DDX17: variants seen among roughly 807,000 people sequenced by gnomAD.
DDX17 encodes DEAD-box helicase 17.
In DDX17, 10 loss-of-function variants were observed where a neutral mutation model predicts 80.8. The observed-to-expected ratio is 0.12, with a 90% CI of 0.08 to 0.21. The LOEUF is 0.21. DDX17 is among the 10% of genes least tolerant of loss of function. The pLI is 1.00. For synonymous variants in DDX17, 339 were observed against 336.2 expected (o/e 1.01, Z -0.09); for missense variants, 586 against 957.4 (o/e 0.61, Z 5.12).
Position 38,495,065 on chromosome 22 carries a change from G to A in DDX17, c.881-19C>T, listed in dbSNP as rs759558617. 1 of 1,607,126 alleles carries A rather than the reference G, an allele frequency of 6.2e-7. No homozygotes were observed. Among genetic ancestry groups the A allele is most frequent in the South Asian group, 1.1e-5 (1 of 90,236 alleles). ...TCAACACCTGTAAAACAAAACCAATGATCGAGCCAATCGACTAGGTGCAGT... is the reference window on the plus strand; with the variant it reads ...TCAACACCTGTAAAACAAAACCAATAATCGAGCCAATCGACTAGGTGCAGT... On this transcript the variant is annotated intron_variant, in intron 6 of 12. Transcript: ENST00000403230.
At chr22:38,490,301 T>C (rs2089700524) in intron 11 of DDX17, 2 of 1,284,006 alleles carry the variant, frequency 1.6e-6, no homozygotes, top group African/African-American at 3.1e-5. Context: ...TGAAAGGCCC[T>C]ATGACATGGC....
rs1306752256 is a variant in DDX17, at chr22:38,483,561, A to G, written c.*2374T>C. The G allele has an allele frequency of 6.6e-6, 1 of 152,638 alleles. No individual in the cohort carries two copies. The highest frequency in any genetic ancestry group is 1.5e-5 in the Non-Finnish European group (1 of 68,042). 9.5% of individuals were successfully genotyped at this position (152,638 alleles called of 1,614,324 possible). On this transcript the variant is annotated 3_prime_UTR_variant, in exon 13 of 13. Coordinates refer to ENST00000403230, the MANE Select transcript of DDX17 (RefSeq NM_006386.5). ...AGCATCCTGTGCCTGAACATCACACATCTACAAGTCTTTCAAGTCTTAATG... is the reference window on the plus strand; with the variant it reads ...AGCATCCTGTGCCTGAACATCACACGTCTACAAGTCTTTCAAGTCTTAATG...
rs2089656159 is a variant in DDX17 at position 38,486,114 on chromosome 22, T to C, written c.2011A>G (p.Ser671Gly). Residue 671 changes from serine (S) to glycine (G), a missense_variant, in exon 13 of 13, where the codon AGT becomes GGT. Physicochemically the swap from Ser to Gly is moderately conservative, Grantham distance 56 (BLOSUM62 0). This residue lies in a region of DDX17 where 221 missense variants were observed against 261.4 expected (regional missense o/e 0.85). Coordinates refer to ENST00000403230, the MANE Select transcript of DDX17 (RefSeq NM_006386.5). ...AACTGCTGGCTAGAGCTCTGTGAAC[T>C]TCTCCCAGTTGAGGTGGTGCTACTA... 6.8e-6 allele frequency: 11 copies of C among 1,614,060 alleles called. No homozygotes were observed. Among genetic ancestry groups the C allele is most frequent in the Non-Finnish European group, 8.5e-6 (10 of 1,180,024 alleles).
intron 2 of DDX17, 132 bp from the exon 3 acceptor site, chr22:38,499,631 T>C: frequency 1.5e-6 from 1 of 681,820 alleles, no homozygotes; most frequent in Non-Finnish European, 2.6e-6. Flanking sequence ...CATGGTACTT[T>C]CATGTGTATC....
Position 38,489,446 on chromosome 22 carries a change from A to T in DDX17, c.1448-1331T>A. 1 of 985,802 alleles carries T rather than the reference A, an allele frequency of 1.0e-6. No homozygotes were observed. 61.1% of individuals were successfully genotyped at this position (985,802 alleles called of 1,614,324 possible). On this transcript the variant is annotated intron_variant, in intron 11 of 12. Transcript: ENST00000403230. This position sits in a 1 kb window ranked among gnomAD's most constrained non-coding sequence, Gnocchi z 4.6. Reference sequence around the variant, plus strand: ...TCTCTGTAGCCCCATTTGGTTGCCAAGCGCCGGAGAACCTGGGTTCGGGTA... The same window carrying T: ...TCTCTGTAGCCCCATTTGGTTGCCATGCGCCGGAGAACCTGGGTTCGGGTA...
intron 6 of DDX17, among the ~76,000 whole-genome samples, chr22:38,495,268 T>C (rs1489113515): frequency 8.9e-6 from 1 of 112,582 alleles, no homozygotes; most frequent in Non-Finnish European, 1.8e-5. Context: ...TTTTTTGAGA[T>C]GGAGTCTTGC....
chr22:38,498,128 T>C lies in DDX17; in HGVS notation c.695A>G (p.His232Arg). ...TTCCAAGTATGGCTGGTGGTTAATA[T>C]GAACAATTGCAGGCAGGAGATACTG... The change falls in exon 5 of 13, where the codon CAT becomes CGT. Residue 232 changes from histidine to arginine, a missense_variant. His to Arg is a conservative substitution (Grantham distance 29, BLOSUM62 0). Transcript: ENST00000403230. 2 of 1,614,078 alleles carry C rather than the reference T, an allele frequency of 1.2e-6. No individual in the cohort carries two copies. Among genetic ancestry groups the C allele is most frequent in the Non-Finnish European group, 8.5e-7 (1 of 1,180,000 alleles).
intron 6 of DDX17, 92 bp from the exon 7 acceptor site, chr22:38,495,138 C>G: frequency 2.3e-6 from 3 of 1,284,324 alleles, no homozygotes; most frequent in Non-Finnish European, 3.2e-6. Context: ...GCGGGAAGAT[C>G]GCTTGAGGCC....
chr22:38,487,763 T>C, intron 12 of DDX17, 116 bp downstream of exon 12: 1 of 1,045,052 alleles, frequency 9.6e-7, no homozygotes, highest in Non-Finnish European at 1.5e-6. Context: ...GGCAGTGTCC[T>C]TTGCTATTAA....
chr22:38,495,874 C>T lies in DDX17; in HGVS notation c.802G>A (p.Gly268Ser). 1 of 1,611,602 alleles carries T rather than the reference C, an allele frequency of 6.2e-7. No individual in the cohort carries two copies. The change falls in exon 6 of 13, where the codon GGC becomes AGC. Residue 268 changes from glycine to serine, a missense_variant. By Grantham distance (56) the Gly-to-Ser change is moderately conservative. This residue lies in a region of DDX17 where 141 missense variants were observed against 379.3 expected (regional missense o/e 0.37). Transcript: ENST00000403230. ...GTACTCTTCAATCTAGAACATTTGCCATAGTCATCGGCCACCTGCTGTACT... is the reference window on the plus strand; with the variant it reads ...GTACTCTTCAATCTAGAACATTTGCTATAGTCATCGGCCACCTGCTGTACT...
rs573680334 is a variant in DDX17 at position 38,498,987 on chromosome 22, G to A, written c.538+413C>T. On this transcript the variant is annotated intron_variant, in intron 3 of 12. Coordinates refer to ENST00000403230, the MANE Select transcript of DDX17 (RefSeq NM_006386.5). ...AGATCGCGCCACTGCACTTCAGCCT[G>A]GGTGACAACGTTGAGACTCCGTTTC... 3.6e-4 allele frequency among the ~76,000 whole-genome samples: 55 copies of A among 152,270 alleles called. 1 individual carries two copies. Among genetic ancestry groups the A allele is most frequent in the Non-Finnish European group, 2.2e-4 (15 of 68,014 alleles).
Position 38,486,074 on chromosome 22 carries a change from C to T in DDX17, c.2051G>A (p.Arg684Gln), listed in dbSNP as rs1246635514. Residue 684 changes from arginine (R) to glutamine (Q), a missense_variant, in exon 13 of 13, where the codon CGG (arginine) becomes CAG (glutamine). By Grantham distance (43) the Arg-to-Gln change is conservative. Coordinates refer to ENST00000403230, the MANE Select transcript of DDX17 (RefSeq NM_006386.5). ...CAGTGGCTGTGGCTGCTGCCCAGAC[C>T]GGCCTATCCCACTAAACTGCTGGCT... The T allele has an allele frequency of 5.0e-6, 8 of 1,613,892 alleles. No homozygotes were observed. Among genetic ancestry groups the T allele is most frequent in the Non-Finnish European group, 6.8e-6 (8 of 1,180,002 alleles).
Position 38,485,781 on chromosome 22 carries a change from A to C in DDX17, c.*154T>G. 8.5e-7 allele frequency: 1 copy of C among 1,178,290 alleles called. No homozygotes were observed. Among genetic ancestry groups the C allele is most frequent in the Non-Finnish European group, 1.1e-6 (1 of 887,412 alleles). 73.0% of individuals were successfully genotyped at this position (1,178,290 alleles called of 1,614,324 possible). A position where few individuals can be genotyped will look rare whatever the true frequency, so the allele number is the denominator to read the frequency against. The stretch of plus-strand genomic sequence containing the variant: ...TGGCAGTGAATTCTAACTAATCTGC[A>C]TGAAAAGACAAATCACGATGGTTGG... On this transcript the variant is annotated 3_prime_UTR_variant, in exon 13 of 13. Coordinates refer to ENST00000403230, the MANE Select transcript of DDX17 (RefSeq NM_006386.5).
intron 2 of DDX17, 48 bp downstream of exon 2, chr22:38,501,082 T>A (rs763889394): frequency 6.3e-7 from 1 of 1,580,808 alleles, no homozygotes; most frequent in Admixed American, 1.9e-5. Flanking sequence ...AACCAATATA[T>A]CTACTTGGTT....
intron 5 of DDX17, among the ~76,000 whole-genome samples, chr22:38,497,360 T>C (rs1443778403): frequency 7.1e-6 from 1 of 140,996 alleles, no homozygotes; most frequent in Non-Finnish European, 1.5e-5. Flanking sequence ...CTCACACCTG[T>C]AATCCCAGCA....
chr22:38,486,042 G>T lies in DDX17; in HGVS notation c.2083C>A (p.Gln695Lys). ...GCTCCCGGAGGCTGTGCAAACTGTT[G>T]TGACATCAGTGGCTGTGGCTGCTGC... The change falls in exon 13 of 13, where the codon CAA becomes AAA. Residue 695 changes from glutamine to lysine, a missense_variant. This residue lies in a region of DDX17 where 221 missense variants were observed against 261.4 expected (regional missense o/e 0.85). Coordinates refer to ENST00000403230, the MANE Select transcript of DDX17 (RefSeq NM_006386.5). The T allele has an allele frequency of 1.2e-6, 2 of 1,614,104 alleles. No individual in the cohort carries two copies. The highest frequency in any genetic ancestry group is 1.7e-6 in the Non-Finnish European group (2 of 1,180,010).
intron 6 of DDX17, among the ~76,000 whole-genome samples, 172 bp from the exon 7 acceptor site, chr22:38,495,218 T>A (rs191321554): frequency 2.9e-4 from 43 of 150,180 alleles, no homozygotes; most frequent in Non-Finnish European, 4.9e-4. Flanking sequence ...GCAGCCCTGG[T>A]GGCTGTACTC....
Position 38,484,411 on chromosome 22 carries a change from T to C in DDX17, c.*1524A>G, listed in dbSNP as rs1162840780. ...CCCTCAGAAACCATCCCTCTCTCCC[T>C]AAAGAATTTTAAAAGGAAAACAAAA... On this transcript the variant is annotated 3_prime_UTR_variant, in exon 13 of 13. Transcript: ENST00000403230. 6.6e-6 allele frequency: 1 copy of C among 152,228 alleles called. No homozygotes were observed. The highest frequency in any genetic ancestry group is 1.5e-5 in the Non-Finnish European group (1 of 68,042). The allele number at this position is 152,228 out of a possible 1,614,324, so 9.4% of individuals were successfully genotyped here. A position where few individuals can be genotyped will look rare whatever the true frequency, so the allele number is the denominator to read the frequency against.
intron 8 of DDX17, 165 bp downstream of exon 8, chr22:38,494,465 C>G: frequency 1.4e-6 from 1 of 690,656 alleles, no homozygotes; most frequent in Non-Finnish European, 2.4e-6. Flanking sequence ...TTGCATTTAA[C>G]CATAATGCTC....
Sources: gnomAD v4.1 joint callset for allele counts (sites outside exome capture counted in the v4.1 genomes callset) on GRCh38, gnomAD v4.1.1 for gene constraint, gnomAD v4.1.1 regional missense constraint, Gnocchi (gnomAD v3.1) non-coding constraint, MANE v1.5 for transcripts, NCBI Gene and HGNC (gene_info 2026-07-23, HGNC 2026-07-21) for gene names.